The following CRB1 variants were observed in gnomAD, a reference collection of about 807,000 sequenced individuals.
CRB1 encodes the protein crumbs cell polarity complex component 1.
Under a neutral mutation model 120.0 loss-of-function variants are expected in CRB1, and 83 were observed. That is an observed-to-expected ratio of 0.69 (90% CI 0.58 to 0.83). The LOEUF (loss-of-function observed/expected upper bound fraction) is 0.83, where lower values mean the gene tolerates loss of function less well. Ranked by LOEUF, CRB1 falls within the 40% of genes least tolerant of loss-of-function variation. The probability of loss-of-function intolerance (pLI) is 0.00; values close to 1 mark genes in which losing one functional copy is unlikely to be tolerated. For synonymous variants in CRB1, 625 were observed against 612.5 expected (o/e 1.02, Z -0.30); for missense variants, 1,699 against 1,687.6 (o/e 1.01, Z -0.12).
intron 11 of CRB1, among the ~76,000 whole-genome samples, chr1:197,467,562 T>C (rs1039747226): frequency 3.3e-5 from 5 of 152,200 alleles, no homozygotes; most frequent in Admixed American, 6.5e-5. Flanking sequence ...TAATCATCAT[T>C]TGGCATGTCT....
intron 5 of CRB1, among the ~76,000 whole-genome samples, chr1:197,381,955 C>T (rs1661978299): frequency 1.3e-5 from 2 of 152,126 alleles, no homozygotes. Flanking sequence ...TCCAAAGGGT[C>T]TCTCCTCCTT....
intron 1 of CRB1, among the ~76,000 whole-genome samples, chr1:197,316,752 A>AC (rs1657870787): frequency 6.6e-6 from 1 of 152,192 alleles, no homozygotes; most frequent in Non-Finnish European, 1.5e-5. Flanking sequence ...CATGGAGAAC[A>AC]CCCCAATGAC....
At chr1:197,432,832 G>A (rs939370771) in intron 8 of CRB1, among the ~76,000 whole-genome samples, 2 of 152,000 alleles carry the variant, frequency 1.3e-5, no homozygotes, top group African/African-American at 2.4e-5. Context: ...ACATTTGAGC[G>A]ATATTAACAC....
At chr1:197,403,961 G>A (rs1048072717) in intron 5 of CRB1, among the ~76,000 whole-genome samples, 6 of 152,082 alleles carry the variant, frequency 3.9e-5, no homozygotes, top group African/African-American at 7.2e-5. Context: ...TTCAAGTTCC[G>A]GTAGTTGGTA....
chr1:197,409,299 G>A (rs538408663), intron 5 of CRB1, among the ~76,000 whole-genome samples: 1 of 152,296 alleles, frequency 6.6e-6, no homozygotes, highest in Non-Finnish European at 1.5e-5. Flanking sequence ...AAGGTTGACA[G>A]TGACCCACAT....
At chr1:197,246,408 G>A in the CRB1 span, among the ~76,000 whole-genome samples, 4 of 151,786 alleles carry the variant, frequency 2.6e-5, no homozygotes, top group Non-Finnish European at 5.9e-5. Context: ...CTGGGTTGCT[G>A]GCTTCTTCAG....
upstream of CRB1, among the ~76,000 whole-genome samples, chr1:197,267,412 C>T (rs954437986): frequency 1.3e-5 from 2 of 151,836 alleles, no homozygotes; most frequent in Admixed American, 1.3e-4. Context: ...GAGACATGGG[C>T]AGAAAATATA....
intron 5 of CRB1, among the ~76,000 whole-genome samples, chr1:197,395,191 G>T (rs1662711820): frequency 6.6e-6 from 1 of 152,086 alleles, no homozygotes. Context: ...AGAAATTACT[G>T]TTCTATCTCC....
chr1:197,251,100 C>T, the CRB1 span, among the ~76,000 whole-genome samples: 1 of 151,924 alleles, frequency 6.6e-6, no homozygotes, highest in Non-Finnish European at 1.5e-5. Context: ...TAATAAAACA[C>T]AGTGGCTAAG....
intron 2 of CRB1, among the ~76,000 whole-genome samples, chr1:197,329,749 T>C (rs1334381531): frequency 6.6e-6 from 1 of 152,234 alleles, no homozygotes; most frequent in African/African-American, 2.4e-5. Flanking sequence ...CTTTATTCTT[T>C]GGCTTTTCCA....
chr1:197,204,484 A>T, the CRB1 span, among the ~76,000 whole-genome samples: 1 of 152,214 alleles, frequency 6.6e-6, no homozygotes, highest in Non-Finnish European at 1.5e-5. Flanking sequence ...TGCAGGATTA[A>T]GGTGGTATCA....
Position 197,435,615 on chromosome 1 carries a change from G to A in CRB1, c.3749+3G>A, listed in dbSNP as rs1665120491. On this transcript the variant is annotated splice_donor_region_variant and intron_variant, in intron 9 of 11. Coordinates refer to ENST00000367400, the MANE Select transcript of CRB1 (RefSeq NM_201253.3). Reference sequence around the variant, plus strand: ...AATTTTACAGGAAAATTTTGCAGGTGAGCATAAAGTCCATATGAAGCTTGG... The same window carrying A: ...AATTTTACAGGAAAATTTTGCAGGTAAGCATAAAGTCCATATGAAGCTTGG... The A allele has an allele frequency of 6.2e-7, 1 of 1,609,634 alleles. No individual in the cohort carries two copies. The highest frequency in any genetic ancestry group is 1.7e-4 in the Middle Eastern group (1 of 6,044).
At chr1:197,220,011 C>A in the CRB1 span, among the ~76,000 whole-genome samples, 1 of 152,210 alleles carries the variant, frequency 6.6e-6, no homozygotes. Flanking sequence ...AAACTGCATA[C>A]CTCTTCTTGG....
the CRB1 span, among the ~76,000 whole-genome samples, chr1:197,203,552 T>C: frequency 1.3e-5 from 2 of 152,178 alleles, no homozygotes; most frequent in Admixed American, 1.3e-4. Context: ...CTTGAACTCC[T>C]GACCTCAGGT....
chr1:197,329,105 T>C (rs750303395), intron 2 of CRB1, 102 bp downstream of exon 2: 13 of 1,044,888 alleles, frequency 1.2e-5, no homozygotes, highest in Non-Finnish European at 1.7e-5. Context: ...TTTATGAAAA[T>C]GGCCAAGTTC....
At chr1:197,420,939 G>A (rs907979913) in intron 5 of CRB1, 61 bp from the exon 6 acceptor site, 17 of 1,097,874 alleles carry the variant, frequency 1.5e-5, no homozygotes, top group East Asian at 7.1e-5. Context: ...AGTAAATTAC[G>A]TGAAACTTCT....
chr1:197,363,666 C>A (rs943156299), intron 5 of CRB1, among the ~76,000 whole-genome samples: 2 of 152,132 alleles, frequency 1.3e-5, no homozygotes, highest in Non-Finnish European at 2.9e-5. Context: ...CAAAGACCAA[C>A]AAAGAGAACT....
rs546064020 is a variant in CRB1, at chr1:197,272,721, A to G, written c.70+4239A>G. Among the ~76,000 whole-genome samples, 20 of 152,308 alleles carry G rather than the reference A, an allele frequency of 1.3e-4. No homozygotes were observed. In the East Asian group the frequency reaches 3.5e-3, roughly 26 times the overall value. Reference sequence around the variant, plus strand: ...GATTCCAATTTTATAGCATCCTGTAAAAGACAAAATTATAGAGACATGGAA... The same window carrying G: ...GATTCCAATTTTATAGCATCCTGTAGAAGACAAAATTATAGAGACATGGAA... On this transcript the variant is annotated intron_variant, in intron 1 of 11. Transcript: ENST00000367400.
At chr1:197,273,743 T>C (rs1655033341) in intron 1 of CRB1, among the ~76,000 whole-genome samples, 1 of 152,124 alleles carries the variant, frequency 6.6e-6, no homozygotes, top group Admixed American at 6.6e-5. Flanking sequence ...TCCTATTTTC[T>C]TTTCACGTAC....
Sources: allele counts gnomAD v4.1 joint callset (sites outside exome capture counted in the v4.1 genomes callset), GRCh38; gene constraint gnomAD v4.1.1; transcripts MANE v1.5; gene names NCBI Gene and HGNC (gene_info 2026-07-23, HGNC 2026-07-21).